Variants in SDK1 observed in about 807,000 individuals in gnomAD.
SDK1 encodes the protein protein sidekick-1.
SDK1 carries 157 observed loss-of-function variants against 245.5 expected under a neutral mutation model. That is an observed-to-expected ratio of 0.64 (90% CI 0.56 to 0.73). The LOEUF (loss-of-function observed/expected upper bound fraction) is 0.73, where lower values mean the gene tolerates loss of function less well. SDK1 is among the 30% of genes least tolerant of loss of function. SDK1 has a pLI of 0.00. For missense variants in SDK1, 3,583 were observed against 3,002.3 expected (o/e 1.19, Z -4.52); for synonymous variants, 1,647 against 1,278.5 (o/e 1.29, Z -6.15).
chr7:3,491,238 G>A (rs73038584), intron 1 of SDK1, among the ~76,000 whole-genome samples: 2 of 152,296 alleles, frequency 1.3e-5, no homozygotes, highest in South Asian at 2.1e-4. Flanking sequence ...GGAGCCCATC[G>A]TTCCTTAAGC....
At chr7:3,777,455 T>C (rs1043580085) in intron 4 of SDK1, among the ~76,000 whole-genome samples, 1 of 152,240 alleles carries the variant, frequency 6.6e-6, no homozygotes, top group East Asian at 1.9e-4. Context: ...ATTTTACAGA[T>C]GAGGAGACAT....
At chr7:3,664,708 C>G (rs1370948821) in intron 4 of SDK1, among the ~76,000 whole-genome samples, 4 of 150,336 alleles carry the variant, frequency 2.7e-5, no homozygotes, top group South Asian at 2.1e-4. Flanking sequence ...CCACTGCACT[C>G]CAGCCTGGGC....
intron 1 of SDK1, among the ~76,000 whole-genome samples, chr7:3,342,131 G>C (rs1382065367): frequency 2.0e-5 from 3 of 152,146 alleles, no homozygotes; most frequent in East Asian, 1.9e-4. Flanking sequence ...AGGTGAAAAA[G>C]CAATTCACTG....
chr7:3,782,140 C>T (rs1385005380), intron 4 of SDK1, among the ~76,000 whole-genome samples: 1 of 152,194 alleles, frequency 6.6e-6, no homozygotes, highest in Non-Finnish European at 1.5e-5. Flanking sequence ...CATGGTTCTG[C>T]AGACAGTACA....
At chr7:3,706,373 G>A (rs768043817) in intron 4 of SDK1, among the ~76,000 whole-genome samples, 2 of 152,126 alleles carry the variant, frequency 1.3e-5, no homozygotes, top group Non-Finnish European at 2.9e-5. Context: ...GTAGAATTCA[G>A]CTGTAAATCC....
At chr7:4,131,375 G>C (rs538370372) in intron 27 of SDK1, among the ~76,000 whole-genome samples, 6 of 152,322 alleles carry the variant, frequency 3.9e-5, no homozygotes, top group Admixed American at 6.5e-5. Flanking sequence ...GTCAGCGTTT[G>C]CGTATCTGTG....
intron 1 of SDK1, among the ~76,000 whole-genome samples, chr7:3,371,477 G>A (rs11973104): frequency 0.087 from 13,277 of 151,982 alleles, 787 homozygotes; most frequent in African/African-American, 0.16. Context: ...CATGACTTTG[G>A]GAAAAGAAGA....
chr7:3,886,459 A>G (rs1391288398), intron 5 of SDK1, among the ~76,000 whole-genome samples: 1 of 152,240 alleles, frequency 6.6e-6, no homozygotes, highest in African/African-American at 2.4e-5. Flanking sequence ...AGGACTAAGT[A>G]GCTTGCCTCC....
chr7:3,714,109 G>C (rs1046067899), intron 4 of SDK1, among the ~76,000 whole-genome samples: 6 of 152,140 alleles, frequency 3.9e-5, no homozygotes, highest in Non-Finnish European at 7.4e-5. Context: ...TTAAAGTATG[G>C]AGCCAGGAAT....
chr7:3,806,643 G>A (rs1224746242), intron 4 of SDK1, among the ~76,000 whole-genome samples: 1 of 152,206 alleles, frequency 6.6e-6, no homozygotes, highest in African/African-American at 2.4e-5. Flanking sequence ...AAACGCCTGT[G>A]GAGAAATGTG....
At chr7:4,241,756 G>A (rs774691058) in intron 42 of SDK1, 37 bp from the exon 43 acceptor site, 3 of 1,613,178 alleles carry the variant, frequency 1.9e-6, no homozygotes, top group African/African-American at 1.3e-5. Context: ...GGCCACACCA[G>A]TAACACGTCT....
intron 32 of SDK1, among the ~76,000 whole-genome samples, chr7:4,166,354 C>A (rs1358648523): frequency 6.6e-6 from 1 of 152,258 alleles, no homozygotes; most frequent in African/African-American, 2.4e-5. Flanking sequence ...ATGTGAAGAG[C>A]TTTCATTAAG....
In SDK1 at chr7:3,442,643, T is replaced by A. The variant is rs552801353; in HGVS notation, c.298+140759T>A. Among the ~76,000 whole-genome samples the A allele has an allele frequency of 3.3e-5, 5 of 152,360 alleles. No individual in the cohort carries two copies. The South Asian group carries it at 8.3e-4, about 25-fold the overall frequency. ...TTCACTTAGTTTCTCTAAGCCTATT[T>A]TCTTTGAGAATATGGAAAATTATTA... On this transcript the variant is annotated intron_variant, in intron 1 of 44. Transcript: ENST00000404826.
At chr7:3,496,699 C>G (rs1346690259) in intron 1 of SDK1, among the ~76,000 whole-genome samples, 3 of 152,182 alleles carry the variant, frequency 2.0e-5, no homozygotes, top group African/African-American at 7.2e-5. Context: ...TGAAGAATGT[C>G]TGTGTTCCGA....
intron 1 of SDK1, among the ~76,000 whole-genome samples, chr7:3,578,624 C>T (rs1406905149): frequency 2.6e-5 from 4 of 151,836 alleles, no homozygotes; most frequent in Admixed American, 2.6e-4. Flanking sequence ...TAGACCACCC[C>T]CCAGGAATGC....
chr7:3,502,028 A>C (rs1017238240), intron 1 of SDK1, among the ~76,000 whole-genome samples: 1 of 152,118 alleles, frequency 6.6e-6, no homozygotes, highest in Non-Finnish European at 1.5e-5. Context: ...CAAAAATTCC[A>C]ATTACATATA....
At chr7:4,255,912 T>C (rs976779695) in intron 44 of SDK1, among the ~76,000 whole-genome samples, 3 of 139,914 alleles carry the variant, frequency 2.1e-5, no homozygotes, top group Admixed American at 7.0e-5. Context: ...CATTTCCAAA[T>C]ACTTTTTTTT....
intron 17 of SDK1, among the ~76,000 whole-genome samples, chr7:4,044,942 C>G (rs148234859): frequency 0.02 from 3,027 of 152,302 alleles, 64 homozygotes; most frequent in Admixed American, 0.05. Flanking sequence ...TTTACCCCCA[C>G]CCCAGCACTT....
intron 1 of SDK1, among the ~76,000 whole-genome samples, chr7:3,317,617 A>C (rs1779696492): frequency 1.3e-5 from 2 of 151,622 alleles, no homozygotes; most frequent in South Asian, 4.2e-4. Flanking sequence ...TTCCTTCCCT[A>C]CCTGTATTAA....
Sources: allele counts gnomAD v4.1 joint callset (sites outside exome capture counted in the v4.1 genomes callset), GRCh38; gene constraint gnomAD v4.1.1; transcripts MANE v1.5; gene names NCBI Gene and HGNC (gene_info 2026-07-23, HGNC 2026-07-21).